MYRIP: variants seen among roughly 807,000 people sequenced by gnomAD.
The protein encoded by MYRIP is myosin VIIA and Rab interacting protein.
A neutral mutation model predicts 98.0 loss-of-function variants in MYRIP; 49 were observed. The observed-to-expected ratio is 0.50, with a 90% CI of 0.40 to 0.63. MYRIP has a LOEUF of 0.63. Among genes scored for constraint, MYRIP ranks in the 30% least tolerant of loss-of-function variants. MYRIP has a pLI of 0.00. For missense variants in MYRIP, 1,004 were observed against 1,058.2 expected, an observed-to-expected ratio of 0.95 and a Z score of 0.71; for synonymous variants, 404 against 409.5, an observed-to-expected ratio of 0.99 and a Z score of 0.16.
chr3:39,878,185 T>C lies in MYRIP; in HGVS notation c.-30-22602T>C, dbSNP rs146640136. ...TATAATCTCCTGGTGTGCCGTTTTT[T>C]AGGCCTGTCGGAGAAGCGCAGTATT... On this transcript the variant is annotated intron_variant, in intron 1 of 16. Transcript: ENST00000302541. Among the ~76,000 whole-genome samples the C allele has an allele frequency of 6.1e-3, 929 of 152,386 alleles. 3 individuals carry two copies. The highest frequency in any genetic ancestry group is 0.02 in the African/African-American group (836 of 41,598).
chr3:39,926,495 C>T (rs990192082), intron 2 of MYRIP, among the ~76,000 whole-genome samples: 2 of 151,772 alleles, frequency 1.3e-5, no homozygotes, highest in Non-Finnish European at 2.9e-5. Context: ...TAATCCATCT[C>T]GAGTTAATTT....
intron 2 of MYRIP, among the ~76,000 whole-genome samples, chr3:39,916,872 G>A (rs1197192843): frequency 1.3e-5 from 2 of 151,960 alleles, no homozygotes; most frequent in Non-Finnish European, 1.5e-5. Flanking sequence ...CTATAAAAAA[G>A]GCTATATTAC....
intron 2 of MYRIP, among the ~76,000 whole-genome samples, chr3:39,902,660 A>C (rs1402525445): frequency 1.3e-5 from 2 of 152,176 alleles, no homozygotes; most frequent in African/African-American, 4.8e-5. Context: ...CATAAAGACC[A>C]TCTGTGTGTC....
intron 2 of MYRIP, among the ~76,000 whole-genome samples, chr3:39,963,046 G>A (rs1175121757): frequency 6.6e-6 from 1 of 152,048 alleles, no homozygotes; most frequent in Non-Finnish European, 1.5e-5. Flanking sequence ...TACGAGAAGG[G>A]GCTCATATCA....
chr3:40,222,399 T>A (rs377124709), intron 11 of MYRIP, among the ~76,000 whole-genome samples: 1 of 152,172 alleles, frequency 6.6e-6, no homozygotes. Flanking sequence ...GCTGCTTCTA[T>A]CCTGGCCCTG....
At chr3:40,130,078 G>A (rs1049279907) in intron 3 of MYRIP, among the ~76,000 whole-genome samples, 4 of 152,022 alleles carry the variant, frequency 2.6e-5, no homozygotes, top group East Asian at 1.9e-4. Flanking sequence ...TTTGATTCAC[G>A]CAGCTTTCTA....
In MYRIP at chr3:39,861,847, A is replaced by G. The variant is rs530940996; in HGVS notation, c.-30-38940A>G. ...CTTCAAGAAATATGGAATTATGTAAAGAGATCAAATCTACAACTCATTGAT... is the reference window on the plus strand; with the variant it reads ...CTTCAAGAAATATGGAATTATGTAAGGAGATCAAATCTACAACTCATTGAT... On this transcript the variant is annotated intron_variant, in intron 1 of 16. Transcript: ENST00000302541. Among the ~76,000 whole-genome samples, 6 of 152,342 alleles carry G rather than the reference A, an allele frequency of 3.9e-5. No individual in the cohort carries two copies. In the South Asian group the frequency reaches 1.2e-3, roughly 32 times the overall value.
At chr3:40,181,969 G>GT (rs1950891776) in intron 8 of MYRIP, among the ~76,000 whole-genome samples, 1 of 152,176 alleles carries the variant, frequency 6.6e-6, no homozygotes, top group Non-Finnish European at 1.5e-5. Context: ...AGAAAGAGCC[G>GT]TATGAGAGCT....
chr3:40,137,304 G>A (rs965615497), intron 3 of MYRIP, among the ~76,000 whole-genome samples: 2 of 152,106 alleles, frequency 1.3e-5, no homozygotes, highest in African/African-American at 2.4e-5. Context: ...TAAATTCCTC[G>A]ACACATACAG....
chr3:40,253,419 G>A (rs1365485772), intron 16 of MYRIP, among the ~76,000 whole-genome samples: 1 of 152,108 alleles, frequency 6.6e-6, no homozygotes, highest in Non-Finnish European at 1.5e-5. Flanking sequence ...TGACCTATTC[G>A]TGAAGAGGCG....
intron 2 of MYRIP, among the ~76,000 whole-genome samples, chr3:39,954,436 AGACCT>A (rs1185765874): frequency 6.6e-6 from 1 of 152,218 alleles, no homozygotes; most frequent in Non-Finnish European, 1.5e-5. Flanking sequence ...AAATTCCAAT[AGACCT>A]GCAGCTGAGG....
chr3:39,887,307 A>G lies in MYRIP; in HGVS notation c.-30-13480A>G, dbSNP rs560806639. ...AGAAAAGCAAGAGCAAACACATTCA[A>G]AAGCTAGCAGAAGGCAAGAAATAAC... On this transcript the variant is annotated intron_variant, in intron 1 of 16. Transcript: ENST00000302541. Among the ~76,000 whole-genome samples, 11 of 152,038 alleles carry G rather than the reference A, an allele frequency of 7.2e-5. 1 individual carries two copies. In the East Asian group the frequency reaches 2.1e-3, roughly 29 times the overall value.
At chr3:40,097,008 AG>A (rs1948847009) in intron 3 of MYRIP, among the ~76,000 whole-genome samples, 1 of 152,218 alleles carries the variant, frequency 6.6e-6, no homozygotes, top group Non-Finnish European at 1.5e-5. Flanking sequence ...ACTCAGTAAA[AG>A]GCTCCTCTGT....
At chr3:40,133,798 T>C (rs1949699616) in intron 3 of MYRIP, among the ~76,000 whole-genome samples, 1 of 152,184 alleles carries the variant, frequency 6.6e-6, no homozygotes, top group Non-Finnish European at 1.5e-5. Context: ...TTTCTGACAT[T>C]CTCAGAAGTT....
At chr3:39,952,169 T>C (rs536258963) in intron 2 of MYRIP, among the ~76,000 whole-genome samples, 2 of 152,334 alleles carry the variant, frequency 1.3e-5, no homozygotes, top group Non-Finnish European at 2.9e-5. Context: ...TGCACATGGC[T>C]TCTTTCATTT....
intron 3 of MYRIP, among the ~76,000 whole-genome samples, chr3:40,093,244 A>G (rs990659854): frequency 6.6e-6 from 1 of 152,234 alleles, no homozygotes; most frequent in Non-Finnish European, 1.5e-5. Flanking sequence ...TGTACAGTCC[A>G]GTGACCCAGT....
chr3:40,191,346 T>C (rs1363821830), intron 10 of MYRIP, among the ~76,000 whole-genome samples: 3 of 152,214 alleles, frequency 2.0e-5, no homozygotes, highest in Non-Finnish European at 4.4e-5. Flanking sequence ...GTGACTTTGA[T>C]TGTGCTATGC....
chr3:40,084,360 G>GTATTATATATCTATA (rs1575524743), intron 3 of MYRIP, among the ~76,000 whole-genome samples: 1 of 54,486 alleles, frequency 1.8e-5, no homozygotes, highest in Non-Finnish European at 3.8e-5. Context: ...TATATCGATA[G>GTATTATATATCTATA]ATAATACACA....
chr3:39,994,671 G>A (rs978281568), intron 2 of MYRIP, among the ~76,000 whole-genome samples: 11 of 152,330 alleles, frequency 7.2e-5, no homozygotes, highest in Non-Finnish European at 1.0e-4. Flanking sequence ...GTCCCTGTCC[G>A]ACAGCTTTGA....
Sources: gnomAD v4.1 joint callset for allele counts (sites outside exome capture counted in the v4.1 genomes callset) on GRCh38, gnomAD v4.1.1 for gene constraint, MANE v1.5 for transcripts, NCBI Gene and HGNC (gene_info 2026-07-23, HGNC 2026-07-21) for gene names.